Variants in GPC5 observed in about 807,000 individuals in gnomAD.
GPC5 encodes glypican-5.
In GPC5, 47 loss-of-function variants were observed where a neutral mutation model predicts 53.9. That is an observed-to-expected ratio of 0.87 (90% CI 0.69 to 1.11). The LOEUF (loss-of-function observed/expected upper bound fraction) is 1.11, where lower values mean the gene tolerates loss of function less well. Ranked by LOEUF, GPC5 falls within the 50% of genes most tolerant of loss-of-function variation. The pLI is 0.00. For synonymous variants in GPC5, 286 were observed against 263.3 expected (o/e 1.09, Z -0.84); for missense variants, 748 against 713.1 (o/e 1.05, Z -0.56).
At chr13:92,661,286 C>T (rs1323982168) in intron 7 of GPC5, among the ~76,000 whole-genome samples, 1 of 150,686 alleles carries the variant, frequency 6.6e-6, no homozygotes. Context: ...AGAATGAGAC[C>T]CTCTCTCAAA....
At chr13:91,462,583 C>T (rs1019537302) in intron 2 of GPC5, among the ~76,000 whole-genome samples, 1 of 152,014 alleles carries the variant, frequency 6.6e-6, no homozygotes, top group Non-Finnish European at 1.5e-5. Context: ...AATATCGTTG[C>T]GTATCTGTAA....
At chr13:92,321,787 G>C (rs1167594999) in intron 7 of GPC5, among the ~76,000 whole-genome samples, 1 of 152,088 alleles carries the variant, frequency 6.6e-6, no homozygotes, top group Non-Finnish European at 1.5e-5. Context: ...CAACTTACAT[G>C]TTCATTGCAT....
At chr13:91,430,798 G>A (rs1013541734) in intron 1 of GPC5, among the ~76,000 whole-genome samples, 11 of 152,130 alleles carry the variant, frequency 7.2e-5, no homozygotes, top group African/African-American at 2.4e-4. Context: ...TGGGCAACAC[G>A]ATTTCCATTA....
intron 2 of GPC5, among the ~76,000 whole-genome samples, chr13:91,617,110 A>G (rs1313121069): frequency 2.0e-5 from 3 of 152,144 alleles, no homozygotes; most frequent in African/African-American, 7.2e-5. Context: ...CAGTTATTGA[A>G]TGTCTGTTAC....
At chr13:92,214,633 G>A (rs1226228640) in intron 7 of GPC5, among the ~76,000 whole-genome samples, 1 of 152,130 alleles carries the variant, frequency 6.6e-6, no homozygotes, top group African/African-American at 2.4e-5. Context: ...CTGGGAGACT[G>A]GTATTCCTGT....
intron 2 of GPC5, among the ~76,000 whole-genome samples, chr13:91,597,850 C>A (rs1384352586): frequency 6.6e-6 from 1 of 151,952 alleles, no homozygotes; most frequent in African/African-American, 2.4e-5. Flanking sequence ...TCTGAGTTCT[C>A]TGTTCATTTC....
intron 7 of GPC5, among the ~76,000 whole-genome samples, chr13:92,851,936 C>T (rs1007379134): frequency 4.0e-5 from 6 of 150,834 alleles, no homozygotes; most frequent in Non-Finnish European, 7.4e-5. Context: ...GATAGCCACT[C>T]TGTAAGAGAG....
chr13:92,025,740 T>C (rs917168869), intron 6 of GPC5, among the ~76,000 whole-genome samples: 1 of 152,222 alleles, frequency 6.6e-6, no homozygotes, highest in Non-Finnish European at 1.5e-5. Flanking sequence ...GTTTTACTTA[T>C]TATTGTAGAT....
intron 7 of GPC5, among the ~76,000 whole-genome samples, chr13:92,295,218 A>G (rs932092614): frequency 1.3e-5 from 2 of 152,150 alleles, no homozygotes; most frequent in African/African-American, 4.8e-5. Context: ...AGGTTGCATC[A>G]CTATTGTCAT....
intron 6 of GPC5, among the ~76,000 whole-genome samples, chr13:91,928,364 A>G (rs1391026617): frequency 6.6e-6 from 1 of 152,190 alleles, no homozygotes; most frequent in Non-Finnish European, 1.5e-5. Context: ...CAAAGGACTT[A>G]GTGGAATAAC....
chr13:92,189,906 G>A (rs546222933), intron 7 of GPC5, among the ~76,000 whole-genome samples: 1 of 152,178 alleles, frequency 6.6e-6, no homozygotes, highest in African/African-American at 2.4e-5. Context: ...AAACTGAAAA[G>A]CAAAAGAAGG....
intron 6 of GPC5, among the ~76,000 whole-genome samples, chr13:92,032,818 T>C (rs1461813795): frequency 2.0e-5 from 3 of 152,200 alleles, no homozygotes; most frequent in Admixed American, 6.5e-5. Context: ...TCAGGATGCA[T>C]GATTTCTCCC....
chr13:92,028,013 G>A (rs965596091), intron 6 of GPC5, among the ~76,000 whole-genome samples: 1 of 152,136 alleles, frequency 6.6e-6, no homozygotes, highest in African/African-American at 2.4e-5. Flanking sequence ...GAAATATAGA[G>A]GTTAGTAAAA....
intron 7 of GPC5, among the ~76,000 whole-genome samples, chr13:92,782,105 G>A (rs567755443): frequency 1.3e-5 from 2 of 150,100 alleles, no homozygotes; most frequent in East Asian, 2.0e-4. Context: ...AAGAAGGAGT[G>A]GGGGGAAGGG....
At chr13:91,440,212 C>G (rs1032412735) in intron 1 of GPC5, among the ~76,000 whole-genome samples, 1 of 152,158 alleles carries the variant, frequency 6.6e-6, no homozygotes, top group African/African-American at 2.4e-5. Context: ...TCTGGGACTC[C>G]AATCTTACCT....
chr13:92,039,291 G>A (rs978135933), intron 6 of GPC5, among the ~76,000 whole-genome samples: 1 of 152,218 alleles, frequency 6.6e-6, no homozygotes, highest in African/African-American at 2.4e-5. Context: ...AAAAGTAACA[G>A]GATGTTTGTG....
chr13:92,827,184 C>G (rs772310082), intron 7 of GPC5, among the ~76,000 whole-genome samples: 4 of 152,042 alleles, frequency 2.6e-5, no homozygotes, highest in Non-Finnish European at 5.9e-5. Flanking sequence ...TTAGGAATGA[C>G]ACAGGAGGAA....
chr13:92,842,462 A>T (rs1337597731), intron 7 of GPC5, among the ~76,000 whole-genome samples: 1 of 152,134 alleles, frequency 6.6e-6, no homozygotes, highest in Non-Finnish European at 1.5e-5. Flanking sequence ...AGCAGTAAGC[A>T]AGTATGCACT....
intron 7 of GPC5, among the ~76,000 whole-genome samples, chr13:92,727,537 T>C (rs1293143157): frequency 1.3e-5 from 2 of 151,406 alleles, no homozygotes; most frequent in African/African-American, 2.4e-5. Flanking sequence ...TAACTTCCTA[T>C]TATGCCTCAC....
Sources: gnomAD v4.1 joint callset for allele counts (sites outside exome capture counted in the v4.1 genomes callset) on GRCh38, gnomAD v4.1.1 for gene constraint, MANE v1.5 for transcripts, NCBI Gene and HGNC (gene_info 2026-07-23, HGNC 2026-07-21) for gene names.